DNM3: variants seen among roughly 807,000 people sequenced by gnomAD.
The protein encoded by DNM3 is dynamin-3.
DNM3 carries 47 observed loss-of-function variants against 101.6 expected under a neutral mutation model. The observed-to-expected ratio is 0.46, with a 90% CI of 0.37 to 0.59. The LOEUF (loss-of-function observed/expected upper bound fraction) is 0.59. Among genes scored for constraint, DNM3 ranks in the 20% least tolerant of loss-of-function variants. DNM3 has a pLI of 0.00. For synonymous variants in DNM3, 385 were observed against 387.9 expected (o/e 0.99, Z 0.09); for missense variants, 849 against 1,085.7 (o/e 0.78, Z 3.06).
intron 1 of DNM3, among the ~76,000 whole-genome samples, chr1:171,904,644 G>A (rs2038660296): frequency 6.6e-6 from 1 of 152,174 alleles, no homozygotes; most frequent in Non-Finnish European, 1.5e-5. Context: ...CCAGAGACAG[G>A]AAGTCAAAGA....
chr1:172,329,354 T>C (rs1220507961), intron 17 of DNM3, among the ~76,000 whole-genome samples: 1 of 151,984 alleles, frequency 6.6e-6, no homozygotes, highest in Non-Finnish European at 1.5e-5. Context: ...AGTGAAAAAA[T>C]ACATTCCAAA....
At chr1:172,065,986 G>T (rs1419229500) in intron 10 of DNM3, among the ~76,000 whole-genome samples, 1 of 152,156 alleles carries the variant, frequency 6.6e-6, no homozygotes, top group Non-Finnish European at 1.5e-5. Context: ...TTGTTAACTT[G>T]CTAAGACACT....
intron 15 of DNM3, among the ~76,000 whole-genome samples, chr1:172,271,117 G>A (rs1355759943): frequency 2.0e-5 from 3 of 152,226 alleles, no homozygotes; most frequent in Non-Finnish European, 2.9e-5. Flanking sequence ...ACCACAAAGA[G>A]CTTTTGTTTA....
chr1:172,375,283 C>G (rs1231886369), intron 17 of DNM3, among the ~76,000 whole-genome samples: 1 of 151,972 alleles, frequency 6.6e-6, no homozygotes, highest in Non-Finnish European at 1.5e-5. Context: ...TCTCATAGGA[C>G]TATATTTGGT....
At chr1:171,967,856 C>T (rs1398859667) in intron 2 of DNM3, among the ~76,000 whole-genome samples, 1 of 152,158 alleles carries the variant, frequency 6.6e-6, no homozygotes, top group African/African-American at 2.4e-5. Flanking sequence ...CCTTACAGGT[C>T]CTTATGTCTC....
intron 17 of DNM3, among the ~76,000 whole-genome samples, chr1:172,344,950 C>T (rs572905394): frequency 7.2e-4 from 110 of 152,214 alleles, no homozygotes; most frequent in Middle Eastern, 6.8e-3. Context: ...TAATTGTATT[C>T]CATTAAGCAT....
At chr1:172,218,931 CA>C (rs1472379009) in intron 14 of DNM3, among the ~76,000 whole-genome samples, 7 of 152,068 alleles carry the variant, frequency 4.6e-5, no homozygotes, top group Non-Finnish European at 8.8e-5. Flanking sequence ...ACACCTTCTT[CA>C]AAACTATGAA....
chr1:171,946,755 C>A (rs2042197886), intron 2 of DNM3, among the ~76,000 whole-genome samples: 1 of 152,110 alleles, frequency 6.6e-6, no homozygotes, highest in African/African-American at 2.4e-5. Flanking sequence ...AGAAAGCTTC[C>A]ATTCATGGCA....
chr1:171,918,452 T>C (rs2039896173), intron 1 of DNM3, among the ~76,000 whole-genome samples: 1 of 152,186 alleles, frequency 6.6e-6, no homozygotes, highest in South Asian at 2.1e-4. Context: ...GGCATATGGT[T>C]TTCATTTTGC....
At chr1:172,348,052 A>G (rs2067025890) in intron 17 of DNM3, among the ~76,000 whole-genome samples, 2 of 152,124 alleles carry the variant, frequency 1.3e-5, no homozygotes, top group African/African-American at 4.8e-5. Context: ...ATAAAAGGAA[A>G]GTAAGGGAAT....
At position 172,068,876 on chromosome 1, in the gene DNM3, C is replaced by T. The variant is rs774817889; in HGVS notation, c.1393C>T (p.Arg465Cys). 2.5e-6 allele frequency: 4 copies of T among 1,570,196 alleles called. No homozygotes were observed. Among genetic ancestry groups the T allele is most frequent in the Admixed American group, 1.9e-5 (1 of 53,460 alleles). ...ETERIVANHI[R>C]EREGKTKDQV... ...GGAAAGGATTGTTGCTAACCACATT[C>T]GTGAGCGAGAAGGGAAGACAAAGGA... Residue 465 changes from arginine (R) to cysteine (C), a missense_variant, in exon 11 of 21, where the codon CGT becomes TGT. Around this residue, in one of 5 missense-constraint regions of DNM3, gnomAD observed 193 missense variants for 238.4 expected, o/e 0.81. Transcript: ENST00000627582.
chr1:171,901,921 G>A (rs1311776556), intron 1 of DNM3, among the ~76,000 whole-genome samples: 2 of 152,184 alleles, frequency 1.3e-5, no homozygotes, highest in African/African-American at 4.8e-5. Flanking sequence ...AAATTGATGA[G>A]AGATAGAGCT....
At chr1:172,180,990 G>A (rs926364051) in intron 14 of DNM3, among the ~76,000 whole-genome samples, 1 of 151,932 alleles carries the variant, frequency 6.6e-6, no homozygotes, top group African/African-American at 2.4e-5. Flanking sequence ...TGGCAAGTAC[G>A]GAGCACTTAC....
chr1:172,168,086 A>G (rs956984555), intron 14 of DNM3, among the ~76,000 whole-genome samples: 1 of 152,010 alleles, frequency 6.6e-6, no homozygotes, highest in African/African-American at 2.4e-5. Context: ...TTTCCTCAAC[A>G]TTAGCACAAC....
At chr1:172,352,605 G>A (rs2067248689) in intron 17 of DNM3, among the ~76,000 whole-genome samples, 1 of 152,136 alleles carries the variant, frequency 6.6e-6, no homozygotes, top group South Asian at 2.1e-4. Context: ...ACCAACAAGG[G>A]TGTGTCTTTC....
chr1:171,858,135 C>A (rs1488246164), intron 1 of DNM3, among the ~76,000 whole-genome samples: 1 of 152,126 alleles, frequency 6.6e-6, no homozygotes, highest in Admixed American at 6.6e-5. Flanking sequence ...AATAAAAGTA[C>A]TTAACTTGTA....
intron 15 of DNM3, among the ~76,000 whole-genome samples, chr1:172,276,557 A>ATGTCTGTGTG (rs1553218158): frequency 6.9e-6 from 1 of 144,262 alleles, no homozygotes; most frequent in South Asian, 2.3e-4. Flanking sequence ...AAAAATCTTA[A>ATGTCTGTGTG]TGTGTGTGTG....
At position 171,999,605 on chromosome 1, in the gene DNM3, A is replaced by T. The variant is rs2046236507; in HGVS notation, c.589+10457A>T. Among the ~76,000 whole-genome samples, 3 of 152,106 alleles carry T rather than the reference A, an allele frequency of 2.0e-5. No individual in the cohort carries two copies. In the South Asian group the frequency reaches 6.2e-4, roughly 32 times the overall value. ...ACTGTGCTCCTCACCCCTCCAAGAA[A>T]GATATATGTAAAGCCCAACAGTCTA... On this transcript the variant is annotated intron_variant, in intron 4 of 20. Coordinates refer to ENST00000627582, the MANE Select transcript of DNM3 (RefSeq NM_015569.5).
intron 15 of DNM3, among the ~76,000 whole-genome samples, chr1:172,297,154 A>G (rs1312334121): frequency 6.6e-6 from 1 of 152,064 alleles, no homozygotes. Context: ...AAAAAAAAAA[A>G]AAAAAATAGC....
Sources: gnomAD v4.1 joint callset for allele counts (sites outside exome capture counted in the v4.1 genomes callset) on GRCh38, gnomAD v4.1.1 for gene constraint, gnomAD v4.1.1 regional missense constraint, MANE v1.5 for transcripts, NCBI Gene and HGNC (gene_info 2026-07-23, HGNC 2026-07-21) for gene names.